The following OSBPL10 variants were observed in gnomAD, a reference collection of about 807,000 sequenced individuals.
OSBPL10 encodes oxysterol binding protein like 10, also known as oxysterol-binding protein-related protein 10.
In OSBPL10, 49 loss-of-function variants were observed where a neutral mutation model predicts 81.7. The observed-to-expected ratio is 0.60, with a 90% CI of 0.48 to 0.76. The LOEUF is 0.76. OSBPL10 is among the 30% of genes least tolerant of loss of function. The pLI is 0.00. For missense variants in OSBPL10, 923 were observed against 987.8 expected (o/e 0.93, Z 0.88); for synonymous variants, 419 against 383.6 (o/e 1.09, Z -1.08).
intron 4 of OSBPL10, among the ~76,000 whole-genome samples, chr3:31,804,493 A>G (rs558595533): frequency 6.6e-6 from 1 of 152,342 alleles, no homozygotes; most frequent in South Asian, 2.1e-4. Flanking sequence ...TCAGCAAAAA[A>G]GCAGAATGTG....
intron 2 of OSBPL10, chr3:31,990,317 T>C: frequency 1.2e-6 from 2 of 1,614,052 alleles, no homozygotes; most frequent in Non-Finnish European, 1.7e-6. Flanking sequence ...GCTACAACCA[T>C]TGCAAATCAT....
At chr3:32,066,995 C>A (rs1699785540) in intron 1 of OSBPL10, among the ~76,000 whole-genome samples, 1 of 152,152 alleles carries the variant, frequency 6.6e-6, no homozygotes, top group African/African-American at 2.4e-5. Context: ...TAACGAGGCT[C>A]CTTCTGCTTT....
At chr3:31,786,591 T>C (rs1184189068) in intron 4 of OSBPL10, among the ~76,000 whole-genome samples, 1 of 152,136 alleles carries the variant, frequency 6.6e-6, no homozygotes, top group South Asian at 2.1e-4. Flanking sequence ...TTACAAGGCA[T>C]TGCTGATGGT....
At position 31,792,734 on chromosome 3, in the gene OSBPL10, ACACAGAGTGTGT is replaced by A. The variant is rs1259606814; in HGVS notation, c.729+37294_729+37305del. 1.0e-3 allele frequency among the ~76,000 whole-genome samples: 135 copies of A among 130,304 alleles called. 1 individual carries two copies. Among genetic ancestry groups the A allele is most frequent in the African/African-American group, 4.0e-3 (126 of 31,646 alleles). The allele number at this position is 130,304 out of a possible 152,430, so 85.5% of individuals were successfully genotyped here. On this transcript the variant is annotated intron_variant, in intron 4 of 11. Transcript: ENST00000396556. ...GTGTTTTACACTCTCAGCTATCCAG[ACACAGAGTGTGT>A]GTGTGTGTGTGTGTGTGTGTGTGTG...
intron 4 of OSBPL10, among the ~76,000 whole-genome samples, chr3:31,780,537 A>C (rs1698664631): frequency 6.6e-6 from 1 of 152,206 alleles, no homozygotes; most frequent in Middle Eastern, 3.4e-3. Context: ...CTTTGAAAAG[A>C]TAAACAAAAT....
intron 2 of OSBPL10, among the ~76,000 whole-genome samples, chr3:32,026,057 T>TAGATGATAGATAGATAGATGATAGATA (rs58717718): frequency 7.2e-5 from 8 of 111,342 alleles, no homozygotes; most frequent in African/African-American, 2.7e-4. Flanking sequence ...GATAGATAGA[T>TAGATGATAGATAGATAGATGATAGATA]GATAGATAGA....
chr3:31,812,918 G>A (rs1480071670), intron 4 of OSBPL10, among the ~76,000 whole-genome samples: 1 of 152,026 alleles, frequency 6.6e-6, no homozygotes, highest in Non-Finnish European at 1.5e-5. Flanking sequence ...CTAAAATGAT[G>A]TAGGTTCTAT....
At chr3:32,029,178 C>T (rs541686129) in intron 2 of OSBPL10, among the ~76,000 whole-genome samples, 9 of 152,162 alleles carry the variant, frequency 5.9e-5, no homozygotes, top group Non-Finnish European at 1.2e-4. Flanking sequence ...AAATTCAAGA[C>T]CCCAGAAGTA....
At chr3:31,792,506 T>C (rs1451331535) in intron 4 of OSBPL10, among the ~76,000 whole-genome samples, 1 of 152,114 alleles carries the variant, frequency 6.6e-6, no homozygotes, top group African/African-American at 2.4e-5. Flanking sequence ...TGACAAACCA[T>C]AGCAGCGTTT....
In OSBPL10 at chr3:31,997,177, G is replaced by C. The variant is rs191385293; in HGVS notation, n.298+49314C>G. Among the ~76,000 whole-genome samples, 5 of 152,200 alleles carry C rather than the reference G, an allele frequency of 3.3e-5. No homozygotes were observed. In the East Asian group the frequency reaches 9.7e-4, roughly 29 times the overall value. On this transcript the variant is annotated intron_variant and non_coding_transcript_variant, in intron 2 of 3. Coordinates refer to the OSBPL10 transcript ENST00000479173. ...AAAGCATGCCCGATTTATGTGCACA[G>C]CAGAGCCCTGTAAATATGACTATTA...
At chr3:31,873,780 T>C (rs1701387375) in intron 3 of OSBPL10, among the ~76,000 whole-genome samples, 1 of 152,226 alleles carries the variant, frequency 6.6e-6, no homozygotes, top group African/African-American at 2.4e-5. Flanking sequence ...TATAGTTAAC[T>C]AGATATCAAG....
chr3:31,779,708 C>G (rs978232183), intron 4 of OSBPL10, among the ~76,000 whole-genome samples: 2 of 152,156 alleles, frequency 1.3e-5, no homozygotes, highest in African/African-American at 4.8e-5. Flanking sequence ...ATGGACTTAG[C>G]AAATATTTAC....
At chr3:31,903,791 T>C (rs910715126) in intron 1 of OSBPL10, among the ~76,000 whole-genome samples, 1 of 152,166 alleles carries the variant, frequency 6.6e-6, no homozygotes, top group Non-Finnish European at 1.5e-5. Flanking sequence ...AATAAGAGTA[T>C]ATAAAATCTT....
chr3:31,771,099 T>A (rs1240517002), intron 4 of OSBPL10, among the ~76,000 whole-genome samples: 3 of 152,212 alleles, frequency 2.0e-5, no homozygotes, highest in Non-Finnish European at 4.4e-5. Flanking sequence ...TATACGTGAA[T>A]CACTCAGAAA....
chr3:31,885,707 G>A (rs1177119578), intron 1 of OSBPL10, among the ~76,000 whole-genome samples: 1 of 151,950 alleles, frequency 6.6e-6, no homozygotes, highest in Admixed American at 6.6e-5. Context: ...GAGAGGCCAG[G>A]TGCAGTGGCT....
At position 31,762,092 on chromosome 3, in the gene OSBPL10, C is replaced by T. The variant is rs78283078; in HGVS notation, c.730-13972G>A. ...ACTTCCCTCATAGTGCCAGAGAAAACAGGTCTACCTCAACCTTGAGGTCCA... is the reference window on the plus strand; with the variant it reads ...ACTTCCCTCATAGTGCCAGAGAAAATAGGTCTACCTCAACCTTGAGGTCCA... On this transcript the variant is annotated intron_variant, in intron 4 of 11. Transcript: ENST00000396556. Among the ~76,000 whole-genome samples, 628 of 152,198 alleles carry T rather than the reference C, an allele frequency of 4.1e-3. 4 individuals are homozygous for T. The highest frequency in any genetic ancestry group is 0.014 in the African/African-American group (591 of 41,524).
At chr3:31,742,268 G>C (rs1427703250) in intron 5 of OSBPL10, among the ~76,000 whole-genome samples, 2 of 152,176 alleles carry the variant, frequency 1.3e-5, no homozygotes, top group East Asian at 3.8e-4. Flanking sequence ...AAAGGAAGAA[G>C]GCAAACAGCC....
chr3:31,809,897 G>C (rs924273802), intron 4 of OSBPL10, among the ~76,000 whole-genome samples: 4 of 96,612 alleles, frequency 4.1e-5, no homozygotes, highest in African/African-American at 6.6e-5. Flanking sequence ...TTGAGATGGA[G>C]TTTTGCTTTT....
At position 31,721,997 on chromosome 3, in the gene OSBPL10, G is replaced by A. The variant is rs1001129694; in HGVS notation, c.1095+11260C>T. On this transcript the variant is annotated intron_variant, in intron 6 of 11. Coordinates refer to ENST00000396556, the MANE Select transcript of OSBPL10 (RefSeq NM_017784.5). ...GACTCCACAGCTGGGGCTCCAGAGA[G>A]ACATCATGTTAATCCCCATCCCCCA... 6.6e-5 allele frequency among the ~76,000 whole-genome samples: 10 copies of A among 152,274 alleles called. No homozygotes were observed. In the East Asian group the frequency reaches 1.7e-3, roughly 26 times the overall value.
Sources: allele counts gnomAD v4.1 joint callset (sites outside exome capture counted in the v4.1 genomes callset), GRCh38; gene constraint gnomAD v4.1.1; transcripts MANE v1.5; gene names NCBI Gene and HGNC (gene_info 2026-07-23, HGNC 2026-07-21).